The following CDH20 variants were observed in gnomAD, a reference collection of about 807,000 sequenced individuals.
The protein encoded by CDH20 is cadherin 20.
In CDH20, 29 loss-of-function variants were observed where a neutral mutation model predicts 74.2. The observed-to-expected ratio is 0.39, with a 90% CI of 0.29 to 0.53. CDH20 has a LOEUF of 0.53. Among genes scored for constraint, CDH20 ranks in the 20% least tolerant of loss-of-function variants. The probability of loss-of-function intolerance (pLI) is 0.69; values close to 1 mark genes in which losing one functional copy is unlikely to be tolerated. For synonymous variants in CDH20, 469 were observed against 405.4 expected (o/e 1.16, Z -1.88); for missense variants, 988 against 1,048.3 (o/e 0.94, Z 0.79).
intron 1 of CDH20, among the ~76,000 whole-genome samples, chr18:61,463,666 T>C (rs2059818174): frequency 6.6e-6 from 1 of 151,980 alleles, no homozygotes; most frequent in Non-Finnish European, 1.5e-5. Flanking sequence ...CTGTTCACAT[T>C]CTCCTCAAAA....
chr18:61,512,933 A>G (rs1300501363), intron 6 of CDH20, among the ~76,000 whole-genome samples: 1 of 152,150 alleles, frequency 6.6e-6, no homozygotes, highest in Non-Finnish European at 1.5e-5. Context: ...CTATGTGGTC[A>G]ATTTTGGAAT....
chr18:61,538,671 T>C (rs1190663402), intron 8 of CDH20, among the ~76,000 whole-genome samples: 12 of 136,880 alleles, frequency 8.8e-5, no homozygotes, highest in African/African-American at 3.2e-4. Context: ...CAGGCCGGAC[T>C]GCAGTGGTGC....
intron 1 of CDH20, among the ~76,000 whole-genome samples, chr18:61,355,886 G>C (rs962465122): frequency 2.0e-5 from 3 of 152,184 alleles, no homozygotes; most frequent in African/African-American, 7.2e-5. Context: ...TAAGATTGAA[G>C]GAAAGAGATA....
At chr18:61,342,239 A>T (rs1909975926) in intron 1 of CDH20, among the ~76,000 whole-genome samples, 1 of 152,214 alleles carries the variant, frequency 6.6e-6, no homozygotes, top group Non-Finnish European at 1.5e-5. Context: ...AAATTGACAG[A>T]GCAAAAAAAT....
chr18:61,499,640 G>A (rs958903797), intron 3 of CDH20, among the ~76,000 whole-genome samples, 160 bp downstream of exon 3: 1 of 152,106 alleles, frequency 6.6e-6, no homozygotes. Flanking sequence ...CAAAAATGAC[G>A]ACCAAGCCCT....
chr18:61,540,641 A>G (rs1209057892), intron 9 of CDH20, among the ~76,000 whole-genome samples: 2 of 152,102 alleles, frequency 1.3e-5, no homozygotes, highest in African/African-American at 4.8e-5. Context: ...CCCTCCCACA[A>G]CATGTGGGAA....
At chr18:61,449,916 A>G (rs1209404804) in intron 1 of CDH20, among the ~76,000 whole-genome samples, 1 of 152,036 alleles carries the variant, frequency 6.6e-6, no homozygotes, top group Non-Finnish European at 1.5e-5. Context: ...TATATTGGCT[A>G]TTCTCTAGAA....
chr18:61,401,248 T>A (rs982556303), intron 1 of CDH20, among the ~76,000 whole-genome samples: 4 of 152,240 alleles, frequency 2.6e-5, no homozygotes, highest in Non-Finnish European at 5.9e-5. Flanking sequence ...CCATCTTTTT[T>A]AAATTCCCAA....
chr18:61,427,750 G>A (rs1344784315), intron 1 of CDH20, among the ~76,000 whole-genome samples: 2 of 152,208 alleles, frequency 1.3e-5, no homozygotes, highest in African/African-American at 4.8e-5. Flanking sequence ...CACACTGTAT[G>A]TAGCGCTAAA....
At chr18:61,359,457 C>T (rs1459816011) in intron 1 of CDH20, among the ~76,000 whole-genome samples, 1 of 151,994 alleles carries the variant, frequency 6.6e-6, no homozygotes, top group Admixed American at 6.6e-5. Flanking sequence ...TTTTCCCTTT[C>T]CCTCATGGGT....
intron 6 of CDH20, among the ~76,000 whole-genome samples, chr18:61,519,751 G>T (rs1411925667): frequency 2.6e-5 from 4 of 150,960 alleles, no homozygotes; most frequent in African/African-American, 7.4e-5. Flanking sequence ...ATAATGACAG[G>T]ATCAAATTCA....
intron 5 of CDH20, among the ~76,000 whole-genome samples, chr18:61,507,102 C>G (rs1334733904): frequency 6.6e-6 from 1 of 152,226 alleles, no homozygotes; most frequent in African/African-American, 2.4e-5. Flanking sequence ...ACCACTCAAG[C>G]TACAGTCACT....
chr18:61,340,183 G>A (rs943598318), intron 1 of CDH20, among the ~76,000 whole-genome samples: 3 of 143,818 alleles, frequency 2.1e-5, no homozygotes, highest in African/African-American at 7.7e-5. Flanking sequence ...AAAAACAGAT[G>A]CTTGTTAGGA....
At chr18:61,369,981 A>T (rs1568113920) in intron 1 of CDH20, among the ~76,000 whole-genome samples, 3 of 152,094 alleles carry the variant, frequency 2.0e-5, no homozygotes, top group African/African-American at 7.2e-5. Context: ...TAATACTTGG[A>T]TGATGAAACA....
chr18:61,486,072 CA>C (rs34494628), intron 1 of CDH20, among the ~76,000 whole-genome samples: 107,609 of 150,590 alleles, frequency 0.71, 38,758 homozygotes, highest in Middle Eastern at 0.81. Flanking sequence ...GACTCCATCT[CA>C]AAAAAAAAAT....
intron 1 of CDH20, among the ~76,000 whole-genome samples, chr18:61,482,745 A>G (rs1031678855): frequency 2.6e-5 from 4 of 151,404 alleles, no homozygotes; most frequent in East Asian, 1.9e-4. Context: ...TCCTCCCCCA[A>G]CCCAGCCTTC....
intron 7 of CDH20, among the ~76,000 whole-genome samples, chr18:61,528,591 T>A (rs903360303): frequency 6.6e-6 from 1 of 152,072 alleles, no homozygotes; most frequent in African/African-American, 2.4e-5. Context: ...ATCTCTGGCC[T>A]TTACGCACGA....
chr18:61,466,212 T>C (rs534194518), intron 1 of CDH20, among the ~76,000 whole-genome samples: 2 of 151,986 alleles, frequency 1.3e-5, no homozygotes, highest in Non-Finnish European at 1.5e-5. Context: ...AATGGTAATT[T>C]ACAAAAGGTA....
chr18:61,374,769 C>T (rs1034414100), intron 1 of CDH20, among the ~76,000 whole-genome samples: 1 of 152,024 alleles, frequency 6.6e-6, no homozygotes, highest in African/African-American at 2.4e-5. Context: ...TCACTAGATG[C>T]ACCTGTCTAC....
Sources: gnomAD v4.1 joint callset for allele counts (sites outside exome capture counted in the v4.1 genomes callset) on GRCh38, gnomAD v4.1.1 for gene constraint, MANE v1.5 for transcripts, NCBI Gene and HGNC (gene_info 2026-07-23, HGNC 2026-07-21) for gene names.